Variants in ZNF195 observed in about 807,000 individuals in gnomAD.
ZNF195 encodes the protein hypoxia-regulated factor-1.
A neutral mutation model predicts 19.5 loss-of-function variants in ZNF195; 11 were observed. The ratio of observed to expected loss-of-function variants is 0.57; its 90% CI spans 0.36 to 0.94. The LOEUF is 0.94. Among genes scored for constraint, ZNF195 ranks in the 40% least tolerant of loss-of-function variants. ZNF195 has a pLI of 0.01. For missense variants in ZNF195, 582 were observed against 709.0 expected (o/e 0.82, Z 2.03); for synonymous variants, 214 against 248.1 (o/e 0.86, Z 1.29).
At chr11:3,364,091 CAG>C (rs1386409236) in intron 3 of ZNF195, among the ~76,000 whole-genome samples, 2 of 149,922 alleles carry the variant, frequency 1.3e-5, no homozygotes, top group East Asian at 2.0e-4. Flanking sequence ...TTCAAAAGAA[CAG>C]GGGGAAAATA....
intron 1 of ZNF195, among the ~76,000 whole-genome samples, chr11:3,378,670 AATAAAACTCTTTCAC>A (rs1478316957): frequency 6.6e-6 from 1 of 152,206 alleles, no homozygotes; most frequent in Non-Finnish European, 1.5e-5. Context: ...TCTTTGCTCA[AATAAAACTCTTTCAC>A]ATTTTTGCAA....
chr11:3,361,110 T>C (rs1456910028), intron 4 of ZNF195, among the ~76,000 whole-genome samples: 3 of 152,302 alleles, frequency 2.0e-5, no homozygotes, highest in South Asian at 2.1e-4. Context: ...GACAAGTGTA[T>C]TGTGTGATTC....
intron 3 of ZNF195, chr11:3,362,873 C>A (rs1848700120): frequency 4.6e-6 from 1 of 218,168 alleles, no homozygotes; most frequent in Middle Eastern, 1.5e-3. Flanking sequence ...CAAAAAGAGA[C>A]TGAAAGTGGC....
rs1341511443 is a variant in ZNF195, at chr11:3,359,842, T to C, written c.1166A>G (p.Lys389Arg). The change falls in exon 6 of 6, where the codon AAA (lysine) becomes AGA (arginine). Residue 389 changes from lysine to arginine, a missense_variant. Coordinates refer to ENST00000399602, the MANE Select transcript of ZNF195 (RefSeq NM_001130520.3). The surrounding 1 kb of genome is among the most constrained non-coding windows in gnomAD (Gnocchi z 5.5). ...EKLSKCETWYKGFNHSPNPSK... is the reference protein window; with the variant it reads ...EKLSKCETWYRGFNHSPNPSK... The stretch of plus-strand genomic sequence containing the variant: ...AGGATTTGGGCTGTGGTTAAAACCT[T>C]TGTACCATGTTTCACATTTGGAGAG... The C allele has an allele frequency of 6.2e-6, 10 of 1,614,008 alleles. No individual in the cohort carries two copies. In the African/African-American group the frequency reaches 1.1e-4, roughly 17 times the overall value.
intron 1 of ZNF195, chr11:3,377,927 C>T: frequency 1.0e-6 from 1 of 985,690 alleles, no homozygotes; most frequent in Non-Finnish European, 1.2e-6. Context: ...GGAGGAGAGG[C>T]ACAAAGACTT....
rs60703697 is a variant in ZNF195, at chr11:3,371,083, A to G, written c.131-13T>C. On this transcript the variant is annotated splice_polypyrimidine_tract_variant and intron_variant, in intron 2 of 5. Coordinates refer to ENST00000399602, the MANE Select transcript of ZNF195 (RefSeq NM_001130520.3). ...CAGACAGTGAGACCTGTTTTATTAGAAAAAAGTGACATTACTCTTGCTGAA... is the reference window on the plus strand; with the variant it reads ...CAGACAGTGAGACCTGTTTTATTAGGAAAAAGTGACATTACTCTTGCTGAA... 57 of 1,610,770 alleles carry G rather than the reference A, an allele frequency of 3.5e-5. No homozygotes were observed. The African/African-American group carries it at 6.8e-4, about 19-fold the overall frequency.
chr11:3,378,904 C>T, intron 1 of ZNF195, 134 bp downstream of exon 1: 2 of 1,143,078 alleles, frequency 1.7e-6, no homozygotes, highest in South Asian at 6.5e-5. Flanking sequence ...GCCCGGCCGC[C>T]ATGGTGCAGC....
At chr11:3,371,779 T>G (rs1007506751) in intron 1 of ZNF195, 76 bp from the exon 2 acceptor site, 31 of 1,474,964 alleles carry the variant, frequency 2.1e-5, no homozygotes, top group Non-Finnish European at 2.7e-5. Flanking sequence ...TGGTTCTGAC[T>G]TACACAAGTG....
intron 3 of ZNF195, among the ~76,000 whole-genome samples, chr11:3,364,488 T>C (rs1848772409): frequency 6.6e-6 from 1 of 151,944 alleles, no homozygotes; most frequent in Admixed American, 6.6e-5. Context: ...AATATCTGCA[T>C]AAATCTTTGC....
At chr11:3,378,452 C>T (rs1260275969) in intron 1 of ZNF195, among the ~76,000 whole-genome samples, 2 of 152,066 alleles carry the variant, frequency 1.3e-5, no homozygotes, top group Non-Finnish European at 2.9e-5. Flanking sequence ...GCTTCGTCAA[C>T]CACAAACCTC....
At chr11:3,374,744 A>G (rs1589819079) in intron 1 of ZNF195, among the ~76,000 whole-genome samples, 1 of 152,304 alleles carries the variant, frequency 6.6e-6, no homozygotes, top group East Asian at 1.9e-4. Flanking sequence ...GTGTAGTGAT[A>G]AAAGCTCCAG....
intron 3 of ZNF195, chr11:3,368,954 C>T (rs1356221945): frequency 2.4e-6 from 1 of 423,480 alleles, no homozygotes; most frequent in East Asian, 7.1e-5. Flanking sequence ...AAATGTAAAA[C>T]ATGTATCCTT....
intron 1 of ZNF195, among the ~76,000 whole-genome samples, chr11:3,376,307 A>T (rs1478944439): frequency 6.6e-6 from 1 of 152,006 alleles, no homozygotes; most frequent in Non-Finnish European, 1.5e-5. Flanking sequence ...CATAAAATAC[A>T]CTAACACTAA....
rs1849205640 is a variant in ZNF195, at chr11:3,371,427, T to C, written c.130+150A>G. On this transcript the variant is annotated intron_variant, in intron 2 of 5. Transcript: ENST00000399602. ...AACCACATTTTGAAGATTTTTTTTT[T>C]TTTTACATCAACTATTCCCCATGTT... The C allele has an allele frequency of 6.6e-6, 7 of 1,062,468 alleles. No individual in the cohort carries two copies. In the South Asian group the frequency reaches 1.2e-4, roughly 18 times the overall value. The allele number at this position is 1,062,468 out of a possible 1,614,324, so 65.8% of individuals were successfully genotyped here.
chr11:3,373,959 C>G (rs1401070110), intron 1 of ZNF195, among the ~76,000 whole-genome samples: 1 of 152,208 alleles, frequency 6.6e-6, no homozygotes, highest in African/African-American at 2.4e-5. Context: ...CCTTTGGAAC[C>G]AAGGCTGAGC....
At chr11:3,370,832 G>A (rs1589814103) in intron 3 of ZNF195, 143 bp downstream of exon 3, 1 of 713,286 alleles carries the variant, frequency 1.4e-6, no homozygotes, top group Non-Finnish European at 2.4e-6. Flanking sequence ...ACGCTCCTAG[G>A]GTACAGCAAG....
Position 3,379,076 on chromosome 11 carries a change from G to A in ZNF195, c.-36C>T, listed in dbSNP as rs1203817043. ...CCAGAGAGCCTGGCGTTTCACTTCT[G>A]GATCTCCCGGTGCCTGCGGGTCACA... On this transcript the variant is annotated 5_prime_UTR_variant, in exon 1 of 6. Transcript: ENST00000399602. The A allele has an allele frequency of 2.0e-6, 3 of 1,493,678 alleles. No homozygotes were observed. The highest frequency in any genetic ancestry group is 2.7e-6 in the Non-Finnish European group (3 of 1,111,494). 92.5% of individuals were successfully genotyped at this position (1,493,678 alleles called of 1,614,324 possible).
At position 3,359,904 on chromosome 11, in the gene ZNF195, G is replaced by C. The variant is rs373253796; in HGVS notation, c.1104C>G (p.Ser368Arg). 4.9e-5 allele frequency: 79 copies of C among 1,614,202 alleles called. 1 individual carries two copies. Among genetic ancestry groups the C allele is most frequent in the East Asian group, 1.8e-4 (8 of 44,888 alleles). ...CAAGAATCATCTGTTGATTAGAAAG[G>C]CTTGAGCAAGAGATAAAGACACTGC... ...ECSSVFISCS[S>R]LSNQQMILAG... The change falls in exon 6 of 6, where the codon AGC becomes AGG. Residue 368 changes from serine to arginine, a missense_variant. Coordinates refer to ENST00000399602, the MANE Select transcript of ZNF195 (RefSeq NM_001130520.3). This position sits in a 1 kb window ranked among gnomAD's most constrained non-coding sequence, Gnocchi z 5.5.
In ZNF195 at chr11:3,370,859, T is replaced by C. The variant is rs1485105160; in HGVS notation, c.226+116A>G. On this transcript the variant is annotated intron_variant, in intron 3 of 5. Transcript: ENST00000399602. ...TACAGCAAGAGAAAGACACCCAGGC[T>C]CTCAGAAACCATCTCCACTAGGGCA... is the stretch of plus-strand genomic sequence containing the variant. The C allele has an allele frequency of 3.2e-6, 3 of 948,330 alleles. No homozygotes were observed. The Admixed American group carries it at 6.1e-5, about 19-fold the overall frequency. 58.7% of individuals were successfully genotyped at this position (948,330 alleles called of 1,614,324 possible).
Sources: gnomAD v4.1 joint callset for allele counts (sites outside exome capture counted in the v4.1 genomes callset) on GRCh38, gnomAD v4.1.1 for gene constraint, Gnocchi (gnomAD v3.1) non-coding constraint, MANE v1.5 for transcripts, NCBI Gene and HGNC (gene_info 2026-07-23, HGNC 2026-07-21) for gene names.